The following CFAP92 variants were observed in gnomAD, a reference collection of about 807,000 sequenced individuals.
CFAP92 encodes uncharacterized protein CFAP92.
In CFAP92, 86 loss-of-function variants were observed where a neutral mutation model predicts 106.3. The observed-to-expected ratio is 0.81, with a 90% CI of 0.68 to 0.97. CFAP92 has a LOEUF of 0.97. CFAP92 is among the 50% of genes least tolerant of loss of function. The probability of loss-of-function intolerance (pLI) is 0.00; values close to 1 mark genes in which losing one functional copy is unlikely to be tolerated. For synonymous variants in CFAP92, 477 were observed against 506.4 expected, an observed-to-expected ratio of 0.94 and a Z score of 0.78; for missense variants, 1,204 against 1,283.8, an observed-to-expected ratio of 0.94 and a Z score of 0.95.
At chr3:128,930,431 G>A (rs1348713352) in intron 12 of CFAP92, among the ~76,000 whole-genome samples, 1 of 152,054 alleles carries the variant, frequency 6.6e-6, no homozygotes, top group East Asian at 1.9e-4. Flanking sequence ...GATTACAGGT[G>A]TGAGTACTGT....
At chr3:128,942,489 C>T (rs1031385740) in intron 10 of CFAP92, among the ~76,000 whole-genome samples, 30 of 152,182 alleles carry the variant, frequency 2.0e-4, no homozygotes, top group Admixed American at 3.9e-4. Flanking sequence ...AAGCCCCCAT[C>T]CCGAAGCACC....
chr3:128,926,585 A>C (rs1286942787), intron 12 of CFAP92, among the ~76,000 whole-genome samples: 1 of 152,210 alleles, frequency 6.6e-6, no homozygotes, highest in African/African-American at 2.4e-5. Context: ...TCTTTATACC[A>C]GACATTCTAG....
the CFAP92 span, among the ~76,000 whole-genome samples, chr3:129,025,881 T>C: frequency 3.1e-3 from 470 of 152,362 alleles, 1 homozygote; most frequent in Non-Finnish European, 4.9e-3. Flanking sequence ...TCACTGCCTG[T>C]GACCTGGAGT....
At chr3:129,005,356 G>A (rs1434867071), upstream of CFAP92, among the ~76,000 whole-genome samples, 3 of 152,254 alleles carry the variant, frequency 2.0e-5, no homozygotes, top group Non-Finnish European at 2.9e-5. Flanking sequence ...AACAGTACGG[G>A]CAAAGCCCTA....
chr3:128,914,027 T>C lies in CFAP92; in HGVS notation c.3280+1092A>G, dbSNP rs116426210. On this transcript the variant is annotated intron_variant, in intron 15 of 15. Coordinates refer to ENST00000645291, the MANE Select transcript of CFAP92 (RefSeq NM_001394090.1). ...CAAGTTCTCCATTCATCCATCTGGGTTGAAAAGGCCTAGCGACCAGTTCAA... is the reference window on the plus strand; with the variant it reads ...CAAGTTCTCCATTCATCCATCTGGGCTGAAAAGGCCTAGCGACCAGTTCAA... Among the ~76,000 whole-genome samples the C allele has an allele frequency of 9.1e-3, 1,390 of 152,198 alleles. 27 individuals carry two copies. The highest frequency in any genetic ancestry group is 0.032 in the African/African-American group (1,331 of 41,544).
At chr3:128,918,664 TAGG>T (rs1353871443) in intron 12 of CFAP92, among the ~76,000 whole-genome samples, 1 of 152,096 alleles carries the variant, frequency 6.6e-6, no homozygotes, top group Non-Finnish European at 1.5e-5. Flanking sequence ...GGAGTGTGGG[TAGG>T]AGATGAGATA....
chr3:128,985,868 G>T (rs1943822769), intron 4 of CFAP92, among the ~76,000 whole-genome samples: 1 of 152,168 alleles, frequency 6.6e-6, no homozygotes, highest in Admixed American at 6.5e-5. Context: ...GACCCCCAGG[G>T]AACATCTGGC....
chr3:128,945,891 C>A lies in CFAP92; in HGVS notation c.1438G>T (p.Val480Phe). The A allele has an allele frequency of 6.8e-7, 1 of 1,468,112 alleles. No individual in the cohort carries two copies. Among genetic ancestry groups the A allele is most frequent in the Non-Finnish European group, 8.9e-7 (1 of 1,118,030 alleles). The allele number at this position is 1,468,112 out of a possible 1,614,324, so 90.9% of individuals were successfully genotyped here. ...ATGACGTTGATGTCCTGGAAATAAACGTGGGTTCCATGGGGCTCCCCCTTG... is the reference window on the plus strand; with the variant it reads ...ATGACGTTGATGTCCTGGAAATAAAAGTGGGTTCCATGGGGCTCCCCCTTG... ...KTKGEPHGTHVYFQDINVIFL... is the reference protein window; with the variant it reads ...KTKGEPHGTHFYFQDINVIFL... Residue 480 changes from valine (V) to phenylalanine (F), a missense_variant, in exon 10 of 16, where the codon GTT becomes TTT. Coordinates refer to ENST00000645291, the MANE Select transcript of CFAP92 (RefSeq NM_001394090.1).
chr3:128,948,718 T>G (rs1940504507), intron 9 of CFAP92, among the ~76,000 whole-genome samples: 1 of 146,896 alleles, frequency 6.8e-6, no homozygotes, highest in African/African-American at 2.5e-5. Flanking sequence ...TTAGAAGAGA[T>G]GGGGTTTCAC....
At chr3:129,024,297 C>T in the CFAP92 span, among the ~76,000 whole-genome samples, 1 of 152,050 alleles carries the variant, frequency 6.6e-6, no homozygotes, top group Non-Finnish European at 1.5e-5. Context: ...TTTGGAAAGC[C>T]GAGTCAGGCA....
the CFAP92 span, among the ~76,000 whole-genome samples, chr3:129,022,105 A>G: frequency 6.6e-6 from 1 of 152,174 alleles, no homozygotes; most frequent in Non-Finnish European, 1.5e-5. Flanking sequence ...CAGATCCTCT[A>G]GGATCAATGT....
intron 10 of CFAP92, among the ~76,000 whole-genome samples, chr3:128,935,975 T>G (rs961450636): frequency 3.3e-5 from 5 of 152,254 alleles, no homozygotes; most frequent in Admixed American, 6.5e-5. Context: ...TTTCAACACC[T>G]GGGACCTTGA....
chr3:128,956,196 T>TAAAAAAAAAAAAAA (rs577724635), intron 9 of CFAP92, among the ~76,000 whole-genome samples: 4 of 61,710 alleles, frequency 6.5e-5, no homozygotes, highest in African/African-American at 9.2e-5. Context: ...AAAAAAAAAA[T>TAAAAAAAAAAAAAA]AAAAAAAAAA....
intron 2 of CFAP92, chr3:128,991,844 A>G: frequency 2.0e-6 from 2 of 988,020 alleles, no homozygotes; most frequent in South Asian, 9.1e-5. Flanking sequence ...AGTTCAAGTA[A>G]GCAGATGAAA....
chr3:128,948,099 C>T (rs1940413832), intron 9 of CFAP92, among the ~76,000 whole-genome samples: 1 of 152,068 alleles, frequency 6.6e-6, no homozygotes, highest in Non-Finnish European at 1.5e-5. Flanking sequence ...AAGAGAATGA[C>T]AAGACAAACT....
At chr3:128,931,609 G>A (rs953936653) in intron 12 of CFAP92, among the ~76,000 whole-genome samples, 7 of 151,450 alleles carry the variant, frequency 4.6e-5, no homozygotes, top group Admixed American at 1.3e-4. Context: ...GGAGAAAGGT[G>A]TAAGTTTTAA....
chr3:128,971,223 G>A (rs1942766835), intron 8 of CFAP92, 64 bp downstream of exon 8: 10 of 1,610,406 alleles, frequency 6.2e-6, no homozygotes, highest in Middle Eastern at 1.8e-4. Context: ...AGGAGCATCC[G>A]CTTATGGCCG....
Position 128,910,121 on chromosome 3 carries a change from G to T in CFAP92, c.*178C>A, listed in dbSNP as rs200134546. 5 of 1,614,010 alleles carry T rather than the reference G, an allele frequency of 3.1e-6. No individual in the cohort carries two copies. The highest frequency in any genetic ancestry group is 3.4e-6 in the Non-Finnish European group (4 of 1,180,032). On this transcript the variant is annotated 3_prime_UTR_variant, in exon 16 of 16. Transcript: ENST00000645291. Reference sequence around the variant, plus strand: ...CTGTCGCGGGCCAGCCGCTCCATCCGCATTGGGCTCCGCAACCACGACCAC... The same window carrying T: ...CTGTCGCGGGCCAGCCGCTCCATCCTCATTGGGCTCCGCAACCACGACCAC...
At chr3:128,954,612 TG>T (rs1289038518) in intron 9 of CFAP92, among the ~76,000 whole-genome samples, 3 of 22,518 alleles carry the variant, frequency 1.3e-4, no homozygotes, top group Non-Finnish European at 2.2e-4. Flanking sequence ...GGGAGGGAGG[TG>T]GGGGGGTCAG....
Sources: gnomAD v4.1 joint callset for allele counts (sites outside exome capture counted in the v4.1 genomes callset) on GRCh38, gnomAD v4.1.1 for gene constraint, MANE v1.5 for transcripts, NCBI Gene and HGNC (gene_info 2026-07-23, HGNC 2026-07-21) for gene names.